Variants in PRKCE observed in about 807,000 individuals in gnomAD.
PRKCE encodes the protein protein kinase C epsilon type.
PRKCE carries 16 observed loss-of-function variants against 85.4 expected under a neutral mutation model. The observed-to-expected ratio is 0.19, with a 90% CI of 0.13 to 0.28. The LOEUF is 0.28. PRKCE is among the 10% of genes least tolerant of loss of function. The pLI is 1.00. For missense variants in PRKCE, 573 were observed against 975.2 expected (o/e 0.59, Z 5.49); for synonymous variants, 388 against 371.5 (o/e 1.04, Z -0.51).
chr2:46,150,073 G>T (rs974154486), intron 12 of PRKCE, among the ~76,000 whole-genome samples: 1 of 151,932 alleles, frequency 6.6e-6, no homozygotes, highest in Non-Finnish European at 1.5e-5. Context: ...TGGTCTCGAA[G>T]TCCTGGACTC....
chr2:45,749,955 G>T (rs182890841), intron 1 of PRKCE, among the ~76,000 whole-genome samples: 27 of 152,240 alleles, frequency 1.8e-4, no homozygotes, highest in Non-Finnish European at 5.9e-5. Flanking sequence ...AAGGCCTTTT[G>T]GGGGGAGAAC....
At chr2:45,980,258 T>C (rs766706637) in intron 4 of PRKCE, 38 bp from the exon 5 acceptor site, 15 of 1,578,240 alleles carry the variant, frequency 9.5e-6, no homozygotes, top group Non-Finnish European at 1.1e-5. Context: ...CTCCCTTTCC[T>C]GAGTGTCATT....
intron 2 of PRKCE, among the ~76,000 whole-genome samples, chr2:45,887,681 A>G (rs1474555732): frequency 1.3e-5 from 2 of 152,170 alleles, no homozygotes; most frequent in East Asian, 3.9e-4. Flanking sequence ...AGCTATGATC[A>G]GCATCTGCAA....
chr2:46,062,272 G>A (rs960969731), intron 10 of PRKCE, among the ~76,000 whole-genome samples: 1 of 152,184 alleles, frequency 6.6e-6, no homozygotes, highest in African/African-American at 2.4e-5. Context: ...CTTTTGTTGA[G>A]GATAGGGTTT....
intron 1 of PRKCE, among the ~76,000 whole-genome samples, chr2:45,662,389 A>G (rs902343829): frequency 6.6e-6 from 1 of 152,200 alleles, no homozygotes; most frequent in Non-Finnish European, 1.5e-5. Flanking sequence ...CAATCCTTTC[A>G]GAGCCTGGGG....
chr2:45,883,101 G>A (rs1302846058), intron 2 of PRKCE, among the ~76,000 whole-genome samples: 3 of 152,216 alleles, frequency 2.0e-5, no homozygotes, highest in Non-Finnish European at 4.4e-5. Context: ...TCACATTGTA[G>A]TACTTCTTTG....
chr2:45,761,867 G>A (rs1440330531), intron 1 of PRKCE, among the ~76,000 whole-genome samples: 24 of 152,030 alleles, frequency 1.6e-4, no homozygotes, highest in African/African-American at 4.8e-4. Flanking sequence ...GCATCCCATC[G>A]GTCCCTTCCA....
chr2:45,984,659 C>T lies in PRKCE; in HGVS notation c.802C>T (p.Arg268Trp), dbSNP rs759149125. Residue 268 changes from arginine to tryptophan, a missense_variant, in exon 6 of 15, where the codon CGG (arginine) becomes TGG (tryptophan). Coordinates refer to ENST00000306156, the MANE Select transcript of PRKCE (RefSeq NM_005400.3). Reference sequence around the variant, plus strand: ...TGGGTCCCTGCTCTGGGGACTCTTGCGGCAGGGTTTGCAGTGTAAAGGTAA... The same window carrying T: ...TGGGTCCCTGCTCTGGGGACTCTTGTGGCAGGGTTTGCAGTGTAAAGGTAA... ...HCGSLLWGLL[R>W]QGLQCKVCKM... 1 of 1,599,500 alleles carries T rather than the reference C, an allele frequency of 6.3e-7. No individual in the cohort carries two copies. The highest frequency in any genetic ancestry group is 8.5e-7 in the Non-Finnish European group (1 of 1,179,784).
intron 2 of PRKCE, among the ~76,000 whole-genome samples, chr2:45,873,157 G>C (rs1694222755): frequency 6.6e-6 from 1 of 152,138 alleles, no homozygotes; most frequent in South Asian, 2.1e-4. Context: ...CTTAATATTG[G>C]ACGGCCACTT....
chr2:45,690,519 C>T (rs960011237), intron 1 of PRKCE, among the ~76,000 whole-genome samples: 2 of 152,140 alleles, frequency 1.3e-5, no homozygotes, highest in East Asian at 1.9e-4. Context: ...AATTGTTGTT[C>T]CTGTTGGTGA....
intron 1 of PRKCE, among the ~76,000 whole-genome samples, chr2:45,838,204 C>G (rs374969942): frequency 1.4e-3 from 209 of 152,312 alleles, no homozygotes; most frequent in African/African-American, 4.7e-3. Flanking sequence ...TGAGCCCACT[C>G]TGGGGACGGG....
chr2:45,984,691 C>T lies in PRKCE; in HGVS notation c.823+11C>T, dbSNP rs752533422. On this transcript the variant is annotated intron_variant, in intron 6 of 14. Transcript: ENST00000306156. ...GTTTGCAGTGTAAAGGTAAGTTGCT[C>T]CCTGCCCTGCCCTCAGCCCCTGCAT... 1.3e-6 allele frequency: 2 copies of T among 1,594,154 alleles called. No homozygotes were observed. The highest frequency in any genetic ancestry group is 2.2e-5 in the East Asian group (1 of 44,720).
chr2:45,802,338 T>C (rs2105195289), intron 1 of PRKCE, among the ~76,000 whole-genome samples: 1 of 152,338 alleles, frequency 6.6e-6, no homozygotes, highest in South Asian at 2.1e-4. Context: ...ACTTTCAATT[T>C]CTAAGAATTC....
intron 10 of PRKCE, among the ~76,000 whole-genome samples, chr2:46,039,695 A>G (rs1708107540): frequency 1.3e-5 from 2 of 152,072 alleles, no homozygotes; most frequent in African/African-American, 4.8e-5. Flanking sequence ...AATGTCCTCT[A>G]AAGTGTTTTT....
At chr2:46,097,174 A>C (rs1305289150) in intron 11 of PRKCE, among the ~76,000 whole-genome samples, 1 of 152,134 alleles carries the variant, frequency 6.6e-6, no homozygotes, top group African/African-American at 2.4e-5. Flanking sequence ...ATAAACGTGC[A>C]TGACGGTAAC....
intron 2 of PRKCE, among the ~76,000 whole-genome samples, chr2:45,953,556 A>G (rs1457723843): frequency 6.6e-6 from 1 of 152,138 alleles, no homozygotes; most frequent in Non-Finnish European, 1.5e-5. Context: ...ATTGAACCCA[A>G]AACACTCATT....
intron 1 of PRKCE, among the ~76,000 whole-genome samples, chr2:45,775,243 C>T (rs1685658704): frequency 1.3e-5 from 2 of 152,072 alleles, no homozygotes; most frequent in South Asian, 2.1e-4. Context: ...TAAAAAGTGC[C>T]CTCACCAGGC....
At chr2:45,791,756 A>C (rs755994118) in intron 1 of PRKCE, among the ~76,000 whole-genome samples, 1 of 152,192 alleles carries the variant, frequency 6.6e-6, no homozygotes, top group Non-Finnish European at 1.5e-5. Flanking sequence ...TGCTGGTGCT[A>C]AAGGGTCACT....
At chr2:45,989,142 G>A (rs769209911) in intron 6 of PRKCE, among the ~76,000 whole-genome samples, 15 of 152,188 alleles carry the variant, frequency 9.9e-5, no homozygotes, top group Non-Finnish European at 2.1e-4. Flanking sequence ...CTGTGGAAGC[G>A]GAAGCCCTGC....
Sources: allele counts gnomAD v4.1 joint callset (sites outside exome capture counted in the v4.1 genomes callset), GRCh38; gene constraint gnomAD v4.1.1; transcripts MANE v1.5; gene names NCBI Gene and HGNC (gene_info 2026-07-23, HGNC 2026-07-21).